Variants in DYRK1A observed in about 807,000 individuals in gnomAD.
DYRK1A encodes dual specificity tyrosine phosphorylation regulated kinase 1A.
A neutral mutation model predicts 79.7 loss-of-function variants in DYRK1A; 9 were observed. The ratio of observed to expected loss-of-function variants is 0.11; its 90% CI spans 0.07 to 0.20. The LOEUF (loss-of-function observed/expected upper bound fraction) is 0.20. DYRK1A is among the 10% of genes least tolerant of loss of function. The pLI, the probability that DYRK1A is intolerant of heterozygous loss-of-function variation, is 1.00. For missense variants in DYRK1A, 622 were observed against 956.0 expected (o/e 0.65, Z 4.61); for synonymous variants, 349 against 329.7 (o/e 1.06, Z -0.63).
intron 2 of DYRK1A, among the ~76,000 whole-genome samples, chr21:37,437,890 G>T (rs1223253702): frequency 6.6e-6 from 1 of 152,100 alleles, no homozygotes; most frequent in African/African-American, 2.4e-5. Flanking sequence ...TCAATCATGT[G>T]GTGGGTATAT....
chr21:37,380,174 G>A (rs763946899), intron 1 of DYRK1A, among the ~76,000 whole-genome samples: 2 of 152,156 alleles, frequency 1.3e-5, no homozygotes, highest in Non-Finnish European at 2.9e-5. Flanking sequence ...TAGGACTCTA[G>A]CCCTTAAGAC....
chr21:37,382,125 G>T (rs1188136966), intron 1 of DYRK1A, among the ~76,000 whole-genome samples: 1 of 151,742 alleles, frequency 6.6e-6, no homozygotes, highest in East Asian at 1.9e-4. Flanking sequence ...GTCTCTTTGT[G>T]CCTGGCTCCA....
rs2053927436 is a variant in DYRK1A at position 37,520,545 on chromosome 21, A to C, written c.*8014A>C. On this transcript the variant is annotated 3_prime_UTR_variant, in exon 12 of 12. Coordinates refer to ENST00000647188, the MANE Select transcript of DYRK1A (RefSeq NM_001347721.2). ...CTCCTTGTATCAAATATAAGGACAAAAATGTCTTAGGATAAAAGTCTGTTT... is the reference window on the plus strand; with the variant it reads ...CTCCTTGTATCAAATATAAGGACAACAATGTCTTAGGATAAAAGTCTGTTT... The C allele has an allele frequency of 6.6e-6, 1 of 152,142 alleles. No individual in the cohort carries two copies. Among genetic ancestry groups the C allele is most frequent in the Admixed American group, 6.5e-5 (1 of 15,278 alleles). 9.4% of individuals were successfully genotyped at this position (152,142 alleles called of 1,614,324 possible).
rs1171088141 is a variant in DYRK1A at position 37,495,971 on chromosome 21, G to A, written c.1072-147G>A. ...ACTCAAGGAAGGTAGGGCCTTTCTTGTGTTTGTTCATTACTGTATGCTGGA... is the reference window on the plus strand; with the variant it reads ...ACTCAAGGAAGGTAGGGCCTTTCTTATGTTTGTTCATTACTGTATGCTGGA... On this transcript the variant is annotated intron_variant, in intron 8 of 11. Transcript: ENST00000647188. 4 of 675,676 alleles carry A rather than the reference G, an allele frequency of 5.9e-6. No homozygotes were observed. In the East Asian group the frequency reaches 8.5e-5, roughly 14 times the overall value. The allele number at this position is 675,676 out of a possible 1,614,324, so 41.9% of individuals were successfully genotyped here. A position where few individuals can be genotyped will look rare whatever the true frequency, so the allele number is the denominator to read the frequency against.
chr21:37,406,803 T>TTA (rs563107686), intron 1 of DYRK1A, among the ~76,000 whole-genome samples: 1 of 147,546 alleles, frequency 6.8e-6, no homozygotes, highest in Non-Finnish European at 1.5e-5. Flanking sequence ...ATGTATATAA[T>TTA]TATATATATC....
rs996989302 is a variant in DYRK1A at position 37,377,418 on chromosome 21, A to AT, written c.-77+9799dup. On this transcript the variant is annotated intron_variant, in intron 1 of 11. Coordinates refer to ENST00000647188, the MANE Select transcript of DYRK1A (RefSeq NM_001347721.2). ...ACAGGCTTGAGCCACCGTGCCCCGCATTTTTTTTTACTTGACCTATGTTAG... is the reference window on the plus strand; with the variant it reads ...ACAGGCTTGAGCCACCGTGCCCCGCATTTTTTTTTTACTTGACCTATGTTAG... Among the ~76,000 whole-genome samples, 17 of 150,448 alleles carry AT rather than the reference A, an allele frequency of 1.1e-4. No individual in the cohort carries two copies. In the East Asian group the frequency reaches 1.6e-3, roughly 14 times the overall value.
At chr21:37,387,425 T>C (rs989342694) in intron 1 of DYRK1A, among the ~76,000 whole-genome samples, 8 of 152,240 alleles carry the variant, frequency 5.3e-5, no homozygotes, top group African/African-American at 1.9e-4. Flanking sequence ...TTAGTAATTG[T>C]ATTTCCATTC....
At position 37,455,943 on chromosome 21, in the gene DYRK1A, C is replaced by T. The variant is rs768565140; in HGVS notation, c.11-16741C>T. Among the ~76,000 whole-genome samples, 6 of 152,090 alleles carry T rather than the reference C, an allele frequency of 3.9e-5. No homozygotes were observed. In the South Asian group the frequency reaches 6.2e-4, roughly 16 times the overall value. ...TAGCTAGTAAATGGCAAAATTGAAT[C>T]CAGACTCCTTATGGTGTTAATTGCT... On this transcript the variant is annotated intron_variant, in intron 2 of 11. Transcript: ENST00000647188.
intron 1 of DYRK1A, among the ~76,000 whole-genome samples, chr21:37,392,268 C>T (rs796098585): frequency 2.6e-5 from 4 of 152,320 alleles, no homozygotes; most frequent in African/African-American, 9.6e-5. Context: ...CAGATGTCAT[C>T]TCCTGTAGTC....
chr21:37,378,819 G>C (rs1410898090), intron 1 of DYRK1A, among the ~76,000 whole-genome samples: 1 of 152,204 alleles, frequency 6.6e-6, no homozygotes, highest in Non-Finnish European at 1.5e-5. Flanking sequence ...AACAGTTAGA[G>C]GGGTTGACAT....
At chr21:37,410,683 A>G (rs1349618781) in intron 1 of DYRK1A, 1 of 152,258 alleles carries the variant, frequency 6.6e-6, no homozygotes, top group Non-Finnish European at 1.5e-5. Context: ...AAGTGCCACC[A>G]TACTCGGCTC....
intron 2 of DYRK1A, among the ~76,000 whole-genome samples, chr21:37,451,384 C>T: frequency 8.5e-6 from 1 of 117,620 alleles, no homozygotes; most frequent in Admixed American, 8.9e-5. Context: ...ATCCCTCCCC[C>T]ACCCATTGCA....
In DYRK1A at chr21:37,512,246, C is replaced by T. The variant is rs2053774504; in HGVS notation, c.1980C>T (p.Ser660=). 3 of 1,614,240 alleles carry T rather than the reference C, an allele frequency of 1.9e-6. No individual in the cohort carries two copies. The highest frequency in any genetic ancestry group is 2.5e-6 in the Non-Finnish European group (3 of 1,180,042). The change falls in exon 12 of 12, where the codon TCC becomes TCT. Residue 660 remains serine (S), a synonymous_variant. Coordinates refer to ENST00000647188, the MANE Select transcript of DYRK1A (RefSeq NM_001347721.2). ...SSSTTSSSTS[S]SSTGNQGNQA... ...CAACGACTTCTTCCTCGACATCTTCCTCCTCTACTGGTAACCAAGGCAATC... is the reference window on the plus strand; with the variant it reads ...CAACGACTTCTTCCTCGACATCTTCTTCCTCTACTGGTAACCAAGGCAATC...
Position 37,512,944 on chromosome 21 carries a change from T to TCC in DYRK1A, c.*419_*420dup, listed in dbSNP as rs1262639514. ...AGGGTGTTTTTTTTTTTTCTTTTTG[T>TCC]CCCCCCCATCCCCCTTTTTTTTTGT... On this transcript the variant is annotated 3_prime_UTR_variant, in exon 12 of 12. Coordinates refer to ENST00000647188, the MANE Select transcript of DYRK1A (RefSeq NM_001347721.2). The TCC allele has an allele frequency of 1.4e-5, 1 of 71,200 alleles. No individual in the cohort carries two copies. The highest frequency in any genetic ancestry group is 2.9e-5 in the Non-Finnish European group (1 of 34,866). The allele number at this position is 71,200 out of a possible 1,614,324, so 4.4% of individuals were successfully genotyped here. A position where few individuals can be genotyped will look rare whatever the true frequency, so the allele number is the denominator to read the frequency against.
chr21:37,423,979 A>G (rs971862397), intron 2 of DYRK1A, among the ~76,000 whole-genome samples: 1 of 152,176 alleles, frequency 6.6e-6, no homozygotes, highest in Non-Finnish European at 1.5e-5. Flanking sequence ...CAAAATTTTC[A>G]TATTTCCAGT....
At chr21:37,392,096 T>C (rs1350739068) in intron 1 of DYRK1A, among the ~76,000 whole-genome samples, 1 of 121,100 alleles carries the variant, frequency 8.3e-6, no homozygotes. Flanking sequence ...ACACTGAATT[T>C]AACAAATGTT....
chr21:37,420,792 A>G (rs947936996), intron 2 of DYRK1A, among the ~76,000 whole-genome samples: 1 of 152,064 alleles, frequency 6.6e-6, no homozygotes, highest in Non-Finnish European at 1.5e-5. Context: ...AGTTAAGGAT[A>G]TTATACCCAT....
In DYRK1A at chr21:37,512,068, A is replaced by G; in HGVS notation, c.1802A>G (p.His601Arg). Residue 601 changes from histidine (H) to arginine (R), a missense_variant, in exon 12 of 12, where the codon CAC becomes CGC. Coordinates refer to ENST00000647188, the MANE Select transcript of DYRK1A (RefSeq NM_001347721.2). ...CATGGTAACAGTTCCCATCACCATCACCACCACCACCACCATCACCACCAC... is the reference window on the plus strand; with the variant it reads ...CATGGTAACAGTTCCCATCACCATCGCCACCACCACCACCATCACCACCAC... ...HHHGNSSHHH[H>R]HHHHHHHHHG... The G allele has an allele frequency of 1.2e-6, 2 of 1,613,212 alleles. No homozygotes were observed. Among genetic ancestry groups the G allele is most frequent in the Non-Finnish European group, 1.7e-6 (2 of 1,179,484 alleles).
intron 1 of DYRK1A, among the ~76,000 whole-genome samples, chr21:37,387,266 T>C (rs1296673157): frequency 1.3e-5 from 2 of 152,246 alleles, no homozygotes; most frequent in Non-Finnish European, 2.9e-5. Context: ...TATCACACTT[T>C]TTTCTTCCAG....
Sources: gnomAD v4.1 joint callset for allele counts (sites outside exome capture counted in the v4.1 genomes callset) on GRCh38, gnomAD v4.1.1 for gene constraint, MANE v1.5 for transcripts, NCBI Gene and HGNC (gene_info 2026-07-23, HGNC 2026-07-21) for gene names.